ZPLD1: variants seen among roughly 807,000 people sequenced by gnomAD.
The protein encoded by ZPLD1 is zona pellucida like domain containing 1, also known as zona pellucida-like domain-containing protein 1.
ZPLD1 carries 34 observed loss-of-function variants against 47.2 expected under a neutral mutation model. That is an observed-to-expected ratio of 0.72 (90% CI 0.55 to 0.96). ZPLD1 has a LOEUF of 0.96. Among genes scored for constraint, ZPLD1 ranks in the 40% least tolerant of loss-of-function variants. The probability of loss-of-function intolerance (pLI) is 0.00; values close to 1 mark genes in which losing one functional copy is unlikely to be tolerated. For missense variants in ZPLD1, 512 were observed against 505.8 expected (o/e 1.01, Z -0.12); for synonymous variants, 176 against 186.2 (o/e 0.95, Z 0.45).
At chr3:102,398,876 A>ACG (rs1370548703) in intron 7 of ZPLD1, among the ~76,000 whole-genome samples, 1 of 143,964 alleles carries the variant, frequency 6.9e-6, no homozygotes, top group Non-Finnish European at 1.5e-5. Context: ...ATGCGTGCGC[A>ACG]CGCACACACA....
Position 102,453,282 on chromosome 3 carries a change from AT to A in ZPLD1, c.327+144del, listed in dbSNP as rs376088647. The stretch of plus-strand genomic sequence containing the variant: ...TCACTTTCCTTTGCCTGTTTGAGGC[AT>A]GCACTAGCAAATATACAATTCTATC... On this transcript the variant is annotated intron_variant, in intron 4 of 11. Transcript: ENST00000466937. 216 of 731,400 alleles carry A rather than the reference AT, an allele frequency of 3.0e-4. 1 individual carries two copies. The East Asian group carries it at 4.0e-3, about 14-fold the overall frequency. The allele number at this position is 731,400 out of a possible 1,614,324, so 45.3% of individuals were successfully genotyped here. A position where few individuals can be genotyped will look rare whatever the true frequency, so the allele number is the denominator to read the frequency against.
Position 102,477,877 on chromosome 3 carries a change from G to A in ZPLD1, c.*259G>A, listed in dbSNP as rs1029839801. 2.7e-5 allele frequency: 8 copies of A among 301,578 alleles called. No homozygotes were observed. The highest frequency in any genetic ancestry group is 1.7e-4 in the African/African-American group (8 of 46,294). 18.7% of individuals were successfully genotyped at this position (301,578 alleles called of 1,614,324 possible). Reference sequence around the variant, plus strand: ...AAGTGAAAAATATTCAGGACTTAGGGCTTACAGGATCAGTAATATTTCATT... The same window carrying A: ...AAGTGAAAAATATTCAGGACTTAGGACTTACAGGATCAGTAATATTTCATT... On this transcript the variant is annotated 3_prime_UTR_variant, in exon 12 of 12. Coordinates refer to ENST00000466937, the MANE Select transcript of ZPLD1 (RefSeq NM_001329788.2).
chr3:102,420,812 T>G (rs986210352), intron 8 of ZPLD1, among the ~76,000 whole-genome samples: 21 of 152,066 alleles, frequency 1.4e-4, no homozygotes, highest in African/African-American at 5.1e-4. Flanking sequence ...CTTTATGGAT[T>G]TGTTCTTGGA....
intron 3 of ZPLD1, among the ~76,000 whole-genome samples, chr3:102,450,535 C>A (rs1707322224): frequency 6.6e-6 from 1 of 152,050 alleles, no homozygotes; most frequent in Non-Finnish European, 1.5e-5. Context: ...GAGGAGCATG[C>A]AGAGGTAGGC....
chr3:102,476,452 A>G (rs1193150870), intron 10 of ZPLD1, among the ~76,000 whole-genome samples: 2 of 152,170 alleles, frequency 1.3e-5, no homozygotes, highest in Non-Finnish European at 2.9e-5. Context: ...AAATAAAACT[A>G]CAACTCAGGC....
chr3:102,475,908 C>T (rs1239472470), intron 10 of ZPLD1, among the ~76,000 whole-genome samples: 1 of 152,086 alleles, frequency 6.6e-6, no homozygotes, highest in Non-Finnish European at 1.5e-5. Context: ...CCTAGAGATT[C>T]ATAGCTTGAG....
At chr3:102,419,032 T>G (rs1299843953) in intron 8 of ZPLD1, among the ~76,000 whole-genome samples, 1 of 152,038 alleles carries the variant, frequency 6.6e-6, no homozygotes, top group Non-Finnish European at 1.5e-5. Flanking sequence ...CTTTTTGGTT[T>G]TCAGGGTTAT....
intron 7 of ZPLD1, among the ~76,000 whole-genome samples, chr3:102,406,711 G>T (rs1172629619): frequency 6.6e-6 from 1 of 151,832 alleles, no homozygotes; most frequent in African/African-American, 2.4e-5. Context: ...CTTAAAAAAT[G>T]AATGATTTTT....
At chr3:102,451,217 G>C (rs1237709612) in intron 3 of ZPLD1, among the ~76,000 whole-genome samples, 1 of 152,074 alleles carries the variant, frequency 6.6e-6, no homozygotes, top group Non-Finnish European at 1.5e-5. Flanking sequence ...ACACTCTAAA[G>C]AGATAATGCT....
In ZPLD1 at chr3:102,416,316, G is replaced by A. The variant is rs74420460; in HGVS notation, c.-156-1744G>A. 4.7e-3 allele frequency among the ~76,000 whole-genome samples: 715 copies of A among 152,038 alleles called. 1 individual carries two copies. The highest frequency in any genetic ancestry group is 0.016 in the African/African-American group (648 of 41,518). On this transcript the variant is annotated intron_variant, in intron 7 of 17. Coordinates refer to the ZPLD1 transcript ENST00000491959. Reference sequence around the variant, plus strand: ...GCTAACCAACTTGTAGGGTATATGGGTAGTGGTATTCAATATTTATGAAAT... The same window carrying A: ...GCTAACCAACTTGTAGGGTATATGGATAGTGGTATTCAATATTTATGAAAT...
chr3:102,474,393 A>G (rs1707727644), intron 10 of ZPLD1, among the ~76,000 whole-genome samples: 1 of 152,180 alleles, frequency 6.6e-6, no homozygotes, highest in South Asian at 2.1e-4. Context: ...ATTTGAGCAT[A>G]CTTGTTTGTC....
chr3:102,448,943 G>T (rs1490345356), intron 3 of ZPLD1, among the ~76,000 whole-genome samples: 1 of 152,194 alleles, frequency 6.6e-6, no homozygotes, highest in Non-Finnish European at 1.5e-5. Flanking sequence ...AGCATAAAGT[G>T]AAGTTGTAGT....
intron 7 of ZPLD1, among the ~76,000 whole-genome samples, chr3:102,398,376 A>C (rs1706580419): frequency 6.6e-6 from 1 of 152,134 alleles, no homozygotes; most frequent in Non-Finnish European, 1.5e-5. Context: ...GTTCCAGCCC[A>C]GTCTCATTTC....
At position 102,436,949 on chromosome 3, in the gene ZPLD1, G is replaced by A. The variant is rs1707099795; in HGVS notation, c.-33G>A. ...TGGGACCCATCATGAGAAGGAAGTG[G>A]TGGAGCATGGAGCATGGAATAAATG... is the stretch of plus-strand genomic sequence containing the variant. On this transcript the variant is annotated 5_prime_UTR_variant, in exon 2 of 12. In the 5' UTR this introduces an upstream ATG that the reference lacks. Coordinates refer to ENST00000466937, the MANE Select transcript of ZPLD1 (RefSeq NM_001329788.2). 1.0e-6 allele frequency: 1 copy of A among 985,284 alleles called. No homozygotes were observed. Among genetic ancestry groups the A allele is most frequent in the South Asian group, 4.7e-5 (1 of 21,280 alleles). 61.0% of individuals were successfully genotyped at this position (985,284 alleles called of 1,614,324 possible).
chr3:102,479,321 G>C lies in ZPLD1; in HGVS notation c.*1703G>C, dbSNP rs1222639552. The C allele has an allele frequency of 2.6e-5, 4 of 152,110 alleles. No individual in the cohort carries two copies. Among genetic ancestry groups the C allele is most frequent in the Non-Finnish European group, 4.4e-5 (3 of 68,010 alleles). 9.4% of individuals were successfully genotyped at this position (152,110 alleles called of 1,614,324 possible). ...CTGACCATACTACTAATGTGACCCT[G>C]TATATACATGGATAGTATTGAAATA... On this transcript the variant is annotated 3_prime_UTR_variant, in exon 12 of 12. Coordinates refer to ENST00000466937, the MANE Select transcript of ZPLD1 (RefSeq NM_001329788.2).
At position 102,452,904 on chromosome 3, in the gene ZPLD1, A is replaced by G. The variant is rs753851746; in HGVS notation, c.107-15A>G. The G allele has an allele frequency of 1.6e-5, 25 of 1,609,780 alleles. No individual in the cohort carries two copies. In the African/African-American group the frequency reaches 2.0e-4, roughly 13 times the overall value. ...TTTCTGACTTATGTTTGTTTTTTAT[A>G]TATTTTTATTTCAGCTGAAAGAGAC... On this transcript the variant is annotated splice_polypyrimidine_tract_variant and intron_variant, in intron 3 of 11. Coordinates refer to ENST00000466937, the MANE Select transcript of ZPLD1 (RefSeq NM_001329788.2).
In ZPLD1 at chr3:102,479,296, C is replaced by T. The variant is rs542861665; in HGVS notation, c.*1678C>T. On this transcript the variant is annotated 3_prime_UTR_variant, in exon 12 of 12. Transcript: ENST00000466937. ...GCTTTATCTGTGTTAACATGATTAA[C>T]TGACCATACTACTAATGTGACCCTG... The T allele has an allele frequency of 6.6e-6, 1 of 152,336 alleles. No individual in the cohort carries two copies. The highest frequency in any genetic ancestry group is 2.1e-4 in the South Asian group (1 of 4,828). 9.4% of individuals were successfully genotyped at this position (152,336 alleles called of 1,614,324 possible).
intron 4 of ZPLD1, among the ~76,000 whole-genome samples, chr3:102,454,330 G>A (rs16845038): frequency 0.061 from 9,291 of 152,182 alleles, 859 homozygotes; most frequent in African/African-American, 0.2. Flanking sequence ...ACCTAAGGGA[G>A]AGTGATGCAG....
intron 4 of ZPLD1, among the ~76,000 whole-genome samples, chr3:102,454,567 A>G (rs1217951537): frequency 1.3e-5 from 2 of 152,174 alleles, no homozygotes; most frequent in Non-Finnish European, 2.9e-5. Flanking sequence ...CGCTATAAAA[A>G]TTGCTAGGCT....
Sources: allele counts gnomAD v4.1 joint callset (sites outside exome capture counted in the v4.1 genomes callset), GRCh38; gene constraint gnomAD v4.1.1; transcripts MANE v1.5; gene names NCBI Gene and HGNC (gene_info 2026-07-23, HGNC 2026-07-21).